Variants in DNM3 observed in about 807,000 individuals in gnomAD.
DNM3 encodes dynamin-3.
A neutral mutation model predicts 101.6 loss-of-function variants in DNM3; 47 were observed. That is an observed-to-expected ratio of 0.46 (90% CI 0.37 to 0.59). DNM3 has a LOEUF of 0.59. DNM3 is among the 20% of genes least tolerant of loss of function. The pLI is 0.00. For missense variants in DNM3, 849 were observed against 1,085.7 expected, an observed-to-expected ratio of 0.78 and a Z score of 3.06; for synonymous variants, 385 against 387.9, an observed-to-expected ratio of 0.99 and a Z score of 0.09.
At chr1:172,101,464 A>C (rs74498200) in intron 13 of DNM3, among the ~76,000 whole-genome samples, 4,419 of 152,250 alleles carry the variant, frequency 0.029, 151 homozygotes, top group East Asian at 0.13. Context: ...ACTGTACCTC[A>C]GTTTTCTAAT....
Position 171,925,519 on chromosome 1 carries a change from C to T in DNM3, c.235+3698C>T, listed in dbSNP as rs916401591. Among the ~76,000 whole-genome samples the T allele has an allele frequency of 4.6e-5, 7 of 151,850 alleles. No homozygotes were observed. The East Asian group carries it at 9.7e-4, about 21-fold the overall frequency. On this transcript the variant is annotated intron_variant, in intron 2 of 20. Transcript: ENST00000627582. Reference sequence around the variant, plus strand: ...TGCTGGGATTACAGGTGTGAGCCACCGTGCCTGGCCTTTGCCCACTTTTTA... The same window carrying T: ...TGCTGGGATTACAGGTGTGAGCCACTGTGCCTGGCCTTTGCCCACTTTTTA...
At chr1:172,175,361 A>C (rs1273473116) in intron 14 of DNM3, among the ~76,000 whole-genome samples, 1 of 151,790 alleles carries the variant, frequency 6.6e-6, no homozygotes, top group Non-Finnish European at 1.5e-5. Context: ...CAGGGAAATC[A>C]TATATTTCAG....
intron 14 of DNM3, among the ~76,000 whole-genome samples, chr1:172,141,412 G>A (rs559770226): frequency 3.0e-4 from 45 of 152,140 alleles, no homozygotes; most frequent in African/African-American, 1.0e-3. Flanking sequence ...TTATTTTGAC[G>A]TTATTGTGAT....
At chr1:172,158,321 G>T (rs565502971) in intron 14 of DNM3, among the ~76,000 whole-genome samples, 3 of 152,160 alleles carry the variant, frequency 2.0e-5, no homozygotes, top group Non-Finnish European at 4.4e-5. Flanking sequence ...GATGGGCATG[G>T]AGAGGGGATC....
intron 4 of DNM3, among the ~76,000 whole-genome samples, chr1:172,027,474 A>G (rs1333088232): frequency 6.6e-6 from 1 of 151,970 alleles, no homozygotes; most frequent in African/African-American, 2.4e-5. Flanking sequence ...CCAGCTACTC[A>G]GGAGGCTCAG....
intron 2 of DNM3, among the ~76,000 whole-genome samples, chr1:171,976,151 G>T (rs2044355594): frequency 6.6e-6 from 1 of 152,118 alleles, no homozygotes; most frequent in Non-Finnish European, 1.5e-5. Context: ...TCCAACAAAG[G>T]TTACTGGAAA....
chr1:172,197,401 G>C (rs372645070), intron 14 of DNM3, among the ~76,000 whole-genome samples: 3 of 151,978 alleles, frequency 2.0e-5, no homozygotes, highest in East Asian at 3.9e-4. Flanking sequence ...GGTCTTTTTT[G>C]GTTCCACATG....
intron 14 of DNM3, chr1:172,144,719 C>A (rs1427199400): frequency 1.5e-5 from 7 of 456,766 alleles, no homozygotes; most frequent in Non-Finnish European, 2.3e-5. Context: ...ATTCAGCTTT[C>A]CCCCCTGAAT....
chr1:171,923,247 C>A (rs896703613), intron 2 of DNM3, among the ~76,000 whole-genome samples: 1 of 152,118 alleles, frequency 6.6e-6, no homozygotes, highest in Non-Finnish European at 1.5e-5. Flanking sequence ...TTTTGACTTG[C>A]GTTTTCCTAA....
chr1:172,125,349 C>T (rs1280923606), intron 13 of DNM3, among the ~76,000 whole-genome samples: 1 of 152,204 alleles, frequency 6.6e-6, no homozygotes, highest in Non-Finnish European at 1.5e-5. Flanking sequence ...GTACTTTTGT[C>T]TTCCCATGAT....
In DNM3 at chr1:172,409,808, A is replaced by ATTATATATAT; in HGVS notation, c.*1967_*1968insTTATATATAT. 2.0e-6 allele frequency: 2 copies of ATTATATATAT among 985,710 alleles called. No homozygotes were observed. The highest frequency in any genetic ancestry group is 2.4e-6 in the Non-Finnish European group (2 of 829,860). The allele number at this position is 985,710 out of a possible 1,614,324, so 61.1% of individuals were successfully genotyped here. On this transcript the variant is annotated 3_prime_UTR_variant, in exon 21 of 21. Transcript: ENST00000627582. ...AAAATAGGCAGCTAACGGATTATAT[A>ATTATATATAT]CTTCAGGGTTTGGCTTTGTGCTAAA...
At chr1:171,994,025 A>AT (rs907246480) in intron 4 of DNM3, among the ~76,000 whole-genome samples, 15 of 150,732 alleles carry the variant, frequency 1.0e-4, no homozygotes, top group East Asian at 9.8e-4. Context: ...TTAGATTATT[A>AT]TTTTTTTTTA....
chr1:172,390,473 G>A (rs1254081287), intron 20 of DNM3, among the ~76,000 whole-genome samples: 7 of 152,072 alleles, frequency 4.6e-5, no homozygotes, highest in Non-Finnish European at 7.4e-5. Flanking sequence ...TGTTGTGGAG[G>A]GCTGTCCTGT....
chr1:172,323,069 A>G (rs1038302037), intron 16 of DNM3, among the ~76,000 whole-genome samples: 1 of 152,114 alleles, frequency 6.6e-6, no homozygotes, highest in Non-Finnish European at 1.5e-5. Context: ...AACTGTTCTA[A>G]GTTTCTGCTG....
chr1:171,922,377 A>G (rs1008632534), intron 2 of DNM3, among the ~76,000 whole-genome samples: 31 of 151,342 alleles, frequency 2.0e-4, no homozygotes, highest in African/African-American at 6.8e-4. Context: ...TTTATTTGCC[A>G]TTTGTATTTC....
intron 1 of DNM3, among the ~76,000 whole-genome samples, chr1:171,911,159 C>T (rs1400223554): frequency 2.0e-5 from 3 of 151,910 alleles, no homozygotes; most frequent in Admixed American, 6.6e-5. Context: ...AATCAGATTC[C>T]ATTCTTTTTA....
At chr1:171,966,720 G>A (rs2125527398) in intron 2 of DNM3, among the ~76,000 whole-genome samples, 1 of 152,306 alleles carries the variant, frequency 6.6e-6, no homozygotes, top group South Asian at 2.1e-4. Context: ...TGGGTACCAT[G>A]TGTAACATAC....
chr1:172,263,716 TC>T (rs1237174554), intron 15 of DNM3, among the ~76,000 whole-genome samples: 2 of 152,118 alleles, frequency 1.3e-5, no homozygotes, highest in African/African-American at 4.8e-5. Flanking sequence ...TTAAATTACC[TC>T]CCACTAGGTC....
chr1:172,131,990 A>G (rs1001414045), intron 14 of DNM3, among the ~76,000 whole-genome samples: 1 of 152,200 alleles, frequency 6.6e-6, no homozygotes, highest in African/African-American at 2.4e-5. Flanking sequence ...ATACCATTAA[A>G]ATGTGAGGGA....
Sources: gnomAD v4.1 joint callset for allele counts (sites outside exome capture counted in the v4.1 genomes callset) on GRCh38, gnomAD v4.1.1 for gene constraint, MANE v1.5 for transcripts, NCBI Gene and HGNC (gene_info 2026-07-23, HGNC 2026-07-21) for gene names.